The following SLC16A2 variants were observed in gnomAD, a reference collection of about 807,000 sequenced individuals.
The protein encoded by SLC16A2 is solute carrier family 16 member 2.
SLC16A2 carries 3 observed loss-of-function variants against 27.2 expected under a neutral mutation model. The ratio of observed to expected loss-of-function variants is 0.11; its 90% CI spans 0.05 to 0.28. The LOEUF is 0.28. SLC16A2 is among the 10% of genes least tolerant of loss of function. The probability of loss-of-function intolerance (pLI) is 1.00; values close to 1 mark genes in which losing one functional copy is unlikely to be tolerated. For synonymous variants in SLC16A2, 202 were observed against 187.8 expected (o/e 1.08, Z -0.62); for missense variants, 295 against 458.5 (o/e 0.64, Z 3.26).
At chrX:74,425,193 C>A (rs1466258798) in intron 1 of SLC16A2, among the ~76,000 whole-genome samples, 1 of 111,579 alleles carries the variant, frequency 9.0e-6, no homozygotes, top group African/African-American at 3.3e-5. Context: ...TGCCTCTGGG[C>A]ATGGGAAAAA....
intron 1 of SLC16A2, among the ~76,000 whole-genome samples, chrX:74,498,371 C>T (rs1243151176): frequency 1.3e-4 from 14 of 104,645 alleles, no homozygotes; most frequent in African/African-American, 4.7e-4. Flanking sequence ...CAGAAGTGGA[C>T]TCAAGACTCA....
intron 1 of SLC16A2, among the ~76,000 whole-genome samples, chrX:74,469,427 A>G (rs1425696956): frequency 8.9e-6 from 1 of 112,017 alleles, no homozygotes; most frequent in African/African-American, 3.2e-5. Flanking sequence ...CAGCTAACCC[A>G]TTTTACATTC....
intron 1 of SLC16A2, among the ~76,000 whole-genome samples, chrX:74,508,869 C>T (rs190654010): frequency 2.3e-4 from 26 of 112,105 alleles, no homozygotes; most frequent in African/African-American, 7.8e-4. Flanking sequence ...CACCCTCCCA[C>T]GTCTTCTTAC....
At chrX:74,482,843 A>G (rs1417749583) in intron 1 of SLC16A2, among the ~76,000 whole-genome samples, 1 of 110,605 alleles carries the variant, frequency 9.0e-6, no homozygotes, top group Non-Finnish European at 1.9e-5. Flanking sequence ...GACCACAGCC[A>G]TCTGCCACCA....
chrX:74,510,877 T>G (rs1254997141), intron 1 of SLC16A2, among the ~76,000 whole-genome samples: 2 of 102,253 alleles, frequency 2.0e-5, no homozygotes, highest in Non-Finnish European at 3.9e-5. Context: ...CATAGCAAGA[T>G]CCCATCGCTT....
intron 1 of SLC16A2, among the ~76,000 whole-genome samples, chrX:74,449,884 A>C (rs1270497389): frequency 2.7e-5 from 3 of 111,239 alleles, no homozygotes; most frequent in Non-Finnish European, 5.7e-5. Flanking sequence ...TTCTCCCATC[A>C]ACAAGCTTCC....
intron 1 of SLC16A2, among the ~76,000 whole-genome samples, chrX:74,499,891 AAG>A (rs1434052780): frequency 8.9e-5 from 10 of 111,735 alleles, no homozygotes; most frequent in Admixed American, 1.9e-4. Context: ...GTCTCCAGCA[AAG>A]AGAGTGACCA....
At chrX:74,437,171 C>A (rs1928644203) in intron 1 of SLC16A2, among the ~76,000 whole-genome samples, 1 of 111,563 alleles carries the variant, frequency 9.0e-6, no homozygotes, top group South Asian at 3.8e-4. Context: ...CCGGTTGGGA[C>A]CTCCCATCCT....
chrX:74,519,410 C>T (rs1432172213), intron 1 of SLC16A2, among the ~76,000 whole-genome samples: 47 of 104,425 alleles, frequency 4.5e-4, no homozygotes, highest in African/African-American at 1.3e-3. Context: ...ATCTCCTGAC[C>T]TCGTGATCTG....
At chrX:74,449,374 C>T (rs1297797089) in intron 1 of SLC16A2, among the ~76,000 whole-genome samples, 1 of 112,182 alleles carries the variant, frequency 8.9e-6, no homozygotes, top group Non-Finnish European at 1.9e-5. Flanking sequence ...GAGTGATGCT[C>T]ATTCCCTGCC....
intron 1 of SLC16A2, among the ~76,000 whole-genome samples, chrX:74,477,443 A>G (rs954678076): frequency 1.4e-4 from 16 of 111,152 alleles, no homozygotes; most frequent in Non-Finnish European, 2.8e-4. Context: ...TCCTGGATTC[A>G]TTGATTTTTT....
chrX:74,504,011 G>A (rs1930080922), intron 1 of SLC16A2, among the ~76,000 whole-genome samples: 1 of 112,431 alleles, frequency 8.9e-6, no homozygotes, highest in Non-Finnish European at 1.9e-5. Flanking sequence ...TAAGTGCTAA[G>A]TAAGTGTTAA....
At chrX:74,517,810 CCCT>C (rs1455466220) in intron 1 of SLC16A2, among the ~76,000 whole-genome samples, 1 of 111,858 alleles carries the variant, frequency 8.9e-6, no homozygotes, top group African/African-American at 3.2e-5. Context: ...TCTCCCTCAT[CCCT>C]CCTCCTGCCA....
chrX:74,477,057 C>A (rs759386186), intron 1 of SLC16A2: 1 of 112,003 alleles, frequency 8.9e-6, no homozygotes, highest in Non-Finnish European at 1.9e-5. Context: ...GGAATGGTAC[C>A]AGCTCCTCCT....
At chrX:74,494,154 G>C (rs188899659) in intron 1 of SLC16A2, among the ~76,000 whole-genome samples, 3 of 112,262 alleles carry the variant, frequency 2.7e-5, no homozygotes, top group East Asian at 5.6e-4. Context: ...CTCACACTTT[G>C]GATACAAGGC....
At chrX:74,522,544 G>T (rs940509801) in intron 2 of SLC16A2, among the ~76,000 whole-genome samples, 4 of 112,017 alleles carry the variant, frequency 3.6e-5, no homozygotes, top group Admixed American at 9.4e-5. Context: ...GAGGAGCTAG[G>T]CTTCAAAAGC....
At chrX:74,528,652 A>G (rs754160145) in intron 4 of SLC16A2, among the ~76,000 whole-genome samples, 37 of 111,607 alleles carry the variant, frequency 3.3e-4, no homozygotes, top group African/African-American at 1.2e-3. Context: ...ACCTGGGTGA[A>G]TGTCCCAATG....
rs1482878341 is a variant in SLC16A2 at position 74,518,794 on chromosome X, T to C, written c.431-2196T>C. 2.7e-5 allele frequency among the ~76,000 whole-genome samples: 3 copies of C among 111,607 alleles called. No individual in the cohort carries two copies. The Admixed American group carries it at 2.9e-4, about 11-fold the overall frequency. ...TCTTTTGCCCATATTTTAAGTTAGA[T>C]TGTTTGCTTTATTATTGAGTTATGA... On this transcript the variant is annotated intron_variant, in intron 1 of 5. Coordinates refer to ENST00000587091, the MANE Select transcript of SLC16A2 (RefSeq NM_006517.5).
At chrX:74,474,928 C>T (rs768300906) in intron 1 of SLC16A2, among the ~76,000 whole-genome samples, 145 of 110,445 alleles carry the variant, frequency 1.3e-3, no homozygotes, top group African/African-American at 4.5e-3. Context: ...TGAATAGTGC[C>T]GCAATAACCA....
Sources: allele counts gnomAD v4.1 joint callset (sites outside exome capture counted in the v4.1 genomes callset), GRCh38; gene constraint gnomAD v4.1.1; transcripts MANE v1.5; gene names NCBI Gene and HGNC (gene_info 2026-07-23, HGNC 2026-07-21).